Variants in LUZP2 observed in about 807,000 individuals in gnomAD.
The protein encoded by LUZP2 is leucine zipper protein 2.
A neutral mutation model predicts 51.6 loss-of-function variants in LUZP2; 52 were observed. The observed-to-expected ratio is 1.01, with a 90% CI of 0.81 to 1.27. The LOEUF (loss-of-function observed/expected upper bound fraction) is 1.27, where lower values mean the gene tolerates loss of function less well. Among genes scored for constraint, LUZP2 ranks in the 50% most tolerant of loss-of-function variants. The pLI is 0.00. For synonymous variants in LUZP2, 154 were observed against 137.3 expected (o/e 1.12, Z -0.85); for missense variants, 436 against 395.4 (o/e 1.10, Z -0.87).
chr11:25,027,811 A>C (rs1857536588), intron 9 of LUZP2, among the ~76,000 whole-genome samples: 2 of 151,344 alleles, frequency 1.3e-5, no homozygotes, highest in Admixed American at 6.6e-5. Context: ...CAGAGGTTGC[A>C]GTGAGCTGAG....
chr11:24,751,733 A>C (rs1859596432), intron 4 of LUZP2, among the ~76,000 whole-genome samples: 1 of 152,094 alleles, frequency 6.6e-6, no homozygotes, highest in Admixed American at 6.5e-5. Context: ...AAATCAGATA[A>C]GGGCTAAAAT....
intron 9 of LUZP2, among the ~76,000 whole-genome samples, chr11:25,010,490 G>A (rs7121839): frequency 0.38 from 57,742 of 151,918 alleles, 13,328 homozygotes; most frequent in East Asian, 0.77. Context: ...AGAGGTTACA[G>A]TGAGCCAAGA....
intron 9 of LUZP2, among the ~76,000 whole-genome samples, chr11:25,045,804 A>G (rs1858287831): frequency 6.6e-6 from 1 of 151,972 alleles, no homozygotes; most frequent in Non-Finnish European, 1.5e-5. Flanking sequence ...CTTGTTTGTC[A>G]GTTTCACTTT....
chr11:24,948,893 TTAGA>T (rs1282610790), intron 7 of LUZP2, among the ~76,000 whole-genome samples: 5 of 151,324 alleles, frequency 3.3e-5, no homozygotes, highest in Non-Finnish European at 5.9e-5. Flanking sequence ...CTAGATATAC[TTAGA>T]TAGATAGATC....
chr11:24,896,715 C>T (rs951066830), intron 5 of LUZP2, among the ~76,000 whole-genome samples: 17 of 152,344 alleles, frequency 1.1e-4, no homozygotes, highest in African/African-American at 3.6e-4. Flanking sequence ...GCAGCTCCAC[C>T]GGTGGCCCCG....
intron 1 of LUZP2, among the ~76,000 whole-genome samples, chr11:24,510,043 C>CA (rs1850261729): frequency 6.6e-6 from 1 of 152,110 alleles, no homozygotes; most frequent in African/African-American, 2.4e-5. Flanking sequence ...TCTTATGTAG[C>CA]AATTCATAAT....
chr11:24,540,343 C>T (rs375155023), intron 1 of LUZP2, among the ~76,000 whole-genome samples: 1 of 151,974 alleles, frequency 6.6e-6, no homozygotes, highest in East Asian at 1.9e-4. Context: ...GGAGATGGGG[C>T]CTTTGGGAGG....
chr11:24,602,372 G>GTA (rs1397371805), intron 1 of LUZP2, among the ~76,000 whole-genome samples: 2 of 51,504 alleles, frequency 3.9e-5, no homozygotes, highest in African/African-American at 1.4e-4. Flanking sequence ...AAGTGTGTGT[G>GTA]TGTATATATA....
chr11:24,578,167 A>G lies in LUZP2; in HGVS notation c.62+80862A>G, dbSNP rs114696488. 9.2e-3 allele frequency among the ~76,000 whole-genome samples: 1,394 copies of G among 152,230 alleles called. 16 individuals carry two copies. The highest frequency in any genetic ancestry group is 0.032 in the African/African-American group (1,344 of 41,552). On this transcript the variant is annotated intron_variant, in intron 1 of 11. Coordinates refer to ENST00000336930, the MANE Select transcript of LUZP2 (RefSeq NM_001009909.4). ...CTTTTTCAGCTTACTTTTTAATTTT[A>G]GGAAGCTTTTTAAAATTACTTATTT...
intron 7 of LUZP2, among the ~76,000 whole-genome samples, chr11:24,929,815 G>C (rs1854392202): frequency 6.6e-6 from 1 of 151,948 alleles, no homozygotes; most frequent in East Asian, 1.9e-4. Flanking sequence ...CTGTCAGTGG[G>C]GTACTGAAGT....
intron 1 of LUZP2, among the ~76,000 whole-genome samples, chr11:24,693,602 GTTTTT>G (rs1159496444): frequency 6.6e-6 from 1 of 151,884 alleles, no homozygotes; most frequent in East Asian, 1.9e-4. Context: ...AGAGATCTTT[GTTTTT>G]CATAAAAGAA....
intron 9 of LUZP2, among the ~76,000 whole-genome samples, chr11:24,987,216 A>C (rs539811522): frequency 3.3e-5 from 5 of 152,024 alleles, no homozygotes; most frequent in Admixed American, 1.3e-4. Context: ...ACCTGAAGAA[A>C]ATTTTTAGTG....
At chr11:24,771,210 C>T (rs1245942111) in intron 5 of LUZP2, among the ~76,000 whole-genome samples, 1 of 151,344 alleles carries the variant, frequency 6.6e-6, no homozygotes, top group Non-Finnish European at 1.5e-5. Flanking sequence ...AAATTAGTAA[C>T]CTGTGTATTA....
At chr11:24,777,031 G>A (rs370189491) in intron 5 of LUZP2, among the ~76,000 whole-genome samples, 3 of 143,358 alleles carry the variant, frequency 2.1e-5, no homozygotes, top group East Asian at 2.1e-4. Context: ...GTTTTGCTCC[G>A]TCGCCCAGGC....
chr11:24,528,098 C>T (rs369655265), intron 1 of LUZP2, among the ~76,000 whole-genome samples: 1 of 151,136 alleles, frequency 6.6e-6, no homozygotes, highest in Admixed American at 6.6e-5. Context: ...TTTGATGAAG[C>T]ATAAGAGTTC....
intron 1 of LUZP2, among the ~76,000 whole-genome samples, chr11:24,542,621 A>G (rs1217509681): frequency 6.6e-6 from 1 of 152,058 alleles, no homozygotes; most frequent in Non-Finnish European, 1.5e-5. Flanking sequence ...AAACAAAATA[A>G]TATGGGTGAA....
chr11:24,982,317 A>G (rs1856057766), intron 8 of LUZP2, among the ~76,000 whole-genome samples: 1 of 151,884 alleles, frequency 6.6e-6, no homozygotes, highest in Admixed American at 6.6e-5. Context: ...GTGAGTGATC[A>G]TTGCAGCACT....
At chr11:24,625,596 T>A (rs1033222782) in intron 1 of LUZP2, among the ~76,000 whole-genome samples, 6 of 152,148 alleles carry the variant, frequency 3.9e-5, no homozygotes, top group African/African-American at 7.2e-5. Context: ...AATGTAATGT[T>A]GTCAGGAAAT....
intron 6 of LUZP2, among the ~76,000 whole-genome samples, chr11:24,912,942 A>T (rs376631656): frequency 8.5e-5 from 13 of 152,206 alleles, no homozygotes; most frequent in Admixed American, 3.3e-4. Flanking sequence ...ATTCTTTATT[A>T]AAAAAGGGCT....
Sources: allele counts gnomAD v4.1 joint callset (sites outside exome capture counted in the v4.1 genomes callset), GRCh38; gene constraint gnomAD v4.1.1; transcripts MANE v1.5; gene names NCBI Gene and HGNC (gene_info 2026-07-23, HGNC 2026-07-21).